The following PDGFC variants were observed in gnomAD, a reference collection of about 807,000 sequenced individuals.
PDGFC encodes the protein platelet-derived growth factor C.
Under a neutral mutation model 35.5 loss-of-function variants are expected in PDGFC, and 12 were observed. The ratio of observed to expected loss-of-function variants is 0.34; its 90% CI spans 0.22 to 0.55. PDGFC has a LOEUF of 0.55. Among genes scored for constraint, PDGFC ranks in the 20% least tolerant of loss-of-function variants. PDGFC has a pLI of 0.91. For synonymous variants in PDGFC, 159 were observed against 148.8 expected (o/e 1.07, Z -0.50); for missense variants, 322 against 412.4 (o/e 0.78, Z 1.90).
intron 2 of PDGFC, among the ~76,000 whole-genome samples, chr4:156,833,333 G>A (rs1728989156): frequency 6.6e-6 from 1 of 152,178 alleles, no homozygotes; most frequent in South Asian, 2.1e-4. Flanking sequence ...TATTCAATAA[G>A]CACGTATTAA....
chr4:156,853,787 C>T (rs200161679), intron 1 of PDGFC, among the ~76,000 whole-genome samples: 1 of 152,152 alleles, frequency 6.6e-6, no homozygotes, highest in East Asian at 1.9e-4. Context: ...CATGGTGAAA[C>T]CTTGTCTCTA....
intron 1 of PDGFC, among the ~76,000 whole-genome samples, chr4:156,872,819 T>C (rs776439289): frequency 6.6e-6 from 1 of 152,180 alleles, no homozygotes; most frequent in African/African-American, 2.4e-5. Context: ...CATAGTCTCT[T>C]GTTAAAAGTT....
intron 2 of PDGFC, among the ~76,000 whole-genome samples, chr4:156,821,154 A>G (rs138866120): frequency 6.7e-6 from 1 of 150,170 alleles, no homozygotes; most frequent in Non-Finnish European, 1.5e-5. Flanking sequence ...CATCCCAAGG[A>G]ATGTTGCCTG....
At chr4:156,831,054 A>G (rs1033325907) in intron 2 of PDGFC, among the ~76,000 whole-genome samples, 2 of 152,156 alleles carry the variant, frequency 1.3e-5, no homozygotes, top group Non-Finnish European at 2.9e-5. Flanking sequence ...TGTATCCCCA[A>G]TATTTAGCAT....
intron 1 of PDGFC, among the ~76,000 whole-genome samples, chr4:156,925,224 A>T (rs192198295): frequency 2.2e-3 from 339 of 152,336 alleles, no homozygotes; most frequent in African/African-American, 7.9e-3. Context: ...AAGCAGGTAA[A>T]GGCCAGATCA....
At chr4:156,878,639 T>C (rs1479733473) in intron 1 of PDGFC, among the ~76,000 whole-genome samples, 1 of 152,154 alleles carries the variant, frequency 6.6e-6, no homozygotes, top group Non-Finnish European at 1.5e-5. Context: ...AATCAGAAAA[T>C]GCAAAATGCA....
intron 1 of PDGFC, among the ~76,000 whole-genome samples, chr4:156,939,220 G>A (rs373626541): frequency 7.9e-5 from 12 of 152,050 alleles, no homozygotes; most frequent in African/African-American, 2.4e-4. Flanking sequence ...AAGCTCTACT[G>A]TAGTTACTAG....
intron 1 of PDGFC, among the ~76,000 whole-genome samples, chr4:156,875,119 CA>C (rs1730081581): frequency 6.6e-6 from 1 of 151,956 alleles, no homozygotes. Context: ...GGAAAAAAAG[CA>C]AAAATAATTG....
At chr4:156,969,059 A>C (rs1460870303) in intron 1 of PDGFC, among the ~76,000 whole-genome samples, 2 of 152,236 alleles carry the variant, frequency 1.3e-5, no homozygotes. Flanking sequence ...CAGGTCAGCA[A>C]AGAGATTCGG....
intron 3 of PDGFC, among the ~76,000 whole-genome samples, chr4:156,776,953 G>C (rs566191884): frequency 6.6e-6 from 1 of 152,192 alleles, no homozygotes; most frequent in Non-Finnish European, 1.5e-5. Flanking sequence ...AGATACAAGA[G>C]GGTCCAATAC....
chr4:156,832,948 G>A (rs1318854659), intron 2 of PDGFC, among the ~76,000 whole-genome samples: 2 of 152,138 alleles, frequency 1.3e-5, no homozygotes, highest in Non-Finnish European at 2.9e-5. Context: ...CTTACGGGTT[G>A]GTATTTTGAG....
At chr4:156,866,833 T>C (rs1729855555) in intron 1 of PDGFC, among the ~76,000 whole-genome samples, 1 of 152,228 alleles carries the variant, frequency 6.6e-6, no homozygotes, top group African/African-American at 2.4e-5. Context: ...GGTTCTCTCC[T>C]GTAATCCATT....
At chr4:156,823,192 G>A (rs898981246) in intron 2 of PDGFC, among the ~76,000 whole-genome samples, 1 of 152,076 alleles carries the variant, frequency 6.6e-6, no homozygotes, top group Non-Finnish European at 1.5e-5. Flanking sequence ...ATCACCTGTG[G>A]TCAGGAGTTC....
chr4:156,890,898 C>T (rs1392090959), intron 1 of PDGFC, among the ~76,000 whole-genome samples: 1 of 151,896 alleles, frequency 6.6e-6, no homozygotes, highest in South Asian at 2.1e-4. Flanking sequence ...TGTATGTATC[C>T]ATTTGGTAAT....
intron 2 of PDGFC, among the ~76,000 whole-genome samples, chr4:156,824,813 C>T (rs1732396983): frequency 1.3e-5 from 2 of 152,106 alleles, no homozygotes. Flanking sequence ...TAGGGACCAC[C>T]TTCTGTACTC....
chr4:156,914,895 A>T (rs1313838686), intron 1 of PDGFC, among the ~76,000 whole-genome samples: 2 of 152,190 alleles, frequency 1.3e-5, no homozygotes, highest in Non-Finnish European at 2.9e-5. Context: ...TACAATACCC[A>T]GGATTGGATA....
intron 1 of PDGFC, among the ~76,000 whole-genome samples, chr4:156,855,506 A>T (rs1729552894): frequency 6.6e-6 from 1 of 152,212 alleles, no homozygotes. Flanking sequence ...CGACTGTAGC[A>T]ACATGTCACC....
At chr4:156,876,149 A>C (rs1730112277) in intron 1 of PDGFC, among the ~76,000 whole-genome samples, 1 of 152,190 alleles carries the variant, frequency 6.6e-6, no homozygotes, top group African/African-American at 2.4e-5. Flanking sequence ...GTGCATATAA[A>C]GTTTCCCTAT....
chr4:156,762,575 A>G lies in PDGFC; in HGVS notation c.*515T>C, dbSNP rs1730404702. 1.3e-5 allele frequency: 2 copies of G among 152,096 alleles called. No individual in the cohort carries two copies. Among genetic ancestry groups the G allele is most frequent in the Admixed American group, 6.6e-5 (1 of 15,256 alleles). 9.4% of individuals were successfully genotyped at this position (152,096 alleles called of 1,614,324 possible). On this transcript the variant is annotated 3_prime_UTR_variant, in exon 6 of 6. Coordinates refer to ENST00000502773, the MANE Select transcript of PDGFC (RefSeq NM_016205.3). ...ATAGCAACATAGTTCCTTTTTAAAA[A>G]CCAGGTTTGTAGTACATAGAATGTT...
Sources: gnomAD v4.1 joint callset for allele counts (sites outside exome capture counted in the v4.1 genomes callset) on GRCh38, gnomAD v4.1.1 for gene constraint, MANE v1.5 for transcripts, NCBI Gene and HGNC (gene_info 2026-07-23, HGNC 2026-07-21) for gene names.